The following ITGB6 variants were observed in gnomAD, a reference collection of about 807,000 sequenced individuals.
The protein encoded by ITGB6 is integrin subunit beta 6.
In ITGB6, 80 loss-of-function variants were observed where a neutral mutation model predicts 84.5. That is an observed-to-expected ratio of 0.95 (90% CI 0.79 to 1.14). ITGB6 has a LOEUF of 1.14. ITGB6 is among the 50% of genes most tolerant of loss of function. The pLI is 0.00. For missense variants in ITGB6, 1,006 were observed against 968.0 expected (o/e 1.04, Z -0.52); for synonymous variants, 383 against 354.9 (o/e 1.08, Z -0.89).
At position 160,189,478 on chromosome 2, in the gene ITGB6, A is replaced by C. The variant is rs1686047873; in HGVS notation, c.593+5891T>G. On this transcript the variant is annotated intron_variant, in intron 4 of 14. Transcript: ENST00000283249. ...ATCTGACAAAGGGCTAATATCCAGAATCTACAATGAACTCAAACAAATTTA... is the reference window on the plus strand; with the variant it reads ...ATCTGACAAAGGGCTAATATCCAGACTCTACAATGAACTCAAACAAATTTA... 2.0e-5 allele frequency among the ~76,000 whole-genome samples: 3 copies of C among 152,344 alleles called. No individual in the cohort carries two copies. The South Asian group carries it at 6.2e-4, about 32-fold the overall frequency.
At chr2:160,109,908 A>G (rs1171762899) in intron 13 of ITGB6, among the ~76,000 whole-genome samples, 1 of 152,206 alleles carries the variant, frequency 6.6e-6, no homozygotes, top group East Asian at 1.9e-4. Context: ...ACTTGGCATG[A>G]AAAAAATGTA....
At chr2:160,118,041 A>T (rs530303551) in intron 12 of ITGB6, among the ~76,000 whole-genome samples, 1 of 152,132 alleles carries the variant, frequency 6.6e-6, no homozygotes, top group African/African-American at 2.4e-5. Context: ...CAACCAAAAA[A>T]AGTCCAGGAC....
rs568043107 is a variant in ITGB6, at chr2:160,170,114, A to AATATGTTAATTATGACATAAGTAAC, written c.922-832_922-808dup. ...CTAGCCTGCTAACAATTAAATTAAGAATATGTTAATTATGACATAAGTAAC... is the reference window on the plus strand; with the variant it reads ...CTAGCCTGCTAACAATTAAATTAAGAATATGTTAATTATGACATAAGTAACATATGTTAATTATGACATAAGTAAC... On this transcript the variant is annotated intron_variant, in intron 6 of 14. Transcript: ENST00000283249. 3.4e-3 allele frequency among the ~76,000 whole-genome samples: 517 copies of AATATGTTAATTATGACATAAGTAAC among 152,318 alleles called. 3 individuals are homozygous for AATATGTTAATTATGACATAAGTAAC. The highest frequency in any genetic ancestry group is 0.017 in the Middle Eastern group (5 of 294).
At chr2:160,177,249 C>T (rs1685454324) in intron 4 of ITGB6, among the ~76,000 whole-genome samples, 1 of 152,110 alleles carries the variant, frequency 6.6e-6, no homozygotes, top group Admixed American at 6.5e-5. Context: ...TCCTTTGCTA[C>T]ATTTCTTATT....
chr2:160,116,903 A>G (rs1682798856), intron 12 of ITGB6, among the ~76,000 whole-genome samples: 1 of 151,570 alleles, frequency 6.6e-6, no homozygotes. Flanking sequence ...AACAAAGATC[A>G]AAAGAGACAA....
intron 7 of ITGB6, among the ~76,000 whole-genome samples, chr2:160,165,712 C>T (rs1684977289): frequency 1.3e-5 from 2 of 152,160 alleles, no homozygotes; most frequent in Non-Finnish European, 2.9e-5. Flanking sequence ...TAATGGCCAT[C>T]AGGTGGGTAC....
chr2:160,159,544 C>T (rs548027395), intron 7 of ITGB6, among the ~76,000 whole-genome samples: 1 of 152,262 alleles, frequency 6.6e-6, no homozygotes, highest in Non-Finnish European at 1.5e-5. Context: ...GCTTACTTCC[C>T]ACTGCCTTCA....
rs779418857 is a variant in ITGB6 at position 160,172,659 on chromosome 2, T to G, written c.831A>C (p.Gly277=). Residue 277 remains glycine, a synonymous_variant, in exon 6 of 15, where the codon GGA becomes GGC. Transcript: ENST00000283249. ...CGATGCCTGCTAGTTTGCTGTCCAT[T>G]CCAAAATGAGAATCAGCATCACTCA... ...VFVSDADSHF[G]MDSKLAGIVI... 2.4e-5 allele frequency: 39 copies of G among 1,611,510 alleles called. No individual in the cohort carries two copies. In the South Asian group the frequency reaches 4.2e-4, roughly 17 times the overall value.
At chr2:160,177,821 G>A (rs1574125267) in intron 4 of ITGB6, among the ~76,000 whole-genome samples, 1 of 152,122 alleles carries the variant, frequency 6.6e-6, no homozygotes, top group Non-Finnish European at 1.5e-5. Flanking sequence ...AGCACTTGAA[G>A]TAGCTGTGGG....
At chr2:160,185,969 C>T (rs1370324881) in intron 4 of ITGB6, among the ~76,000 whole-genome samples, 1 of 151,996 alleles carries the variant, frequency 6.6e-6, no homozygotes, top group African/African-American at 2.4e-5. Flanking sequence ...TAAAAATTAA[C>T]TCAAGATGGA....
intron 7 of ITGB6, among the ~76,000 whole-genome samples, chr2:160,145,350 T>C (rs1403341735): frequency 6.6e-6 from 1 of 152,200 alleles, no homozygotes; most frequent in Non-Finnish European, 1.5e-5. Flanking sequence ...CTCCCTACCA[T>C]ACCACCCAGG....
chr2:160,112,979 T>C (rs920410935), intron 12 of ITGB6, among the ~76,000 whole-genome samples: 9 of 152,216 alleles, frequency 5.9e-5, no homozygotes, highest in African/African-American at 2.2e-4. Flanking sequence ...TATGCCAAAA[T>C]TATGTGGCAT....
At chr2:160,119,360 C>A (rs984794620) in intron 12 of ITGB6, among the ~76,000 whole-genome samples, 11 of 151,950 alleles carry the variant, frequency 7.2e-5, no homozygotes, top group Admixed American at 2.0e-4. Flanking sequence ...GAAATAATGC[C>A]GCATATCTAC....
chr2:160,116,266 G>T (rs1314137210), intron 12 of ITGB6, among the ~76,000 whole-genome samples: 1 of 151,970 alleles, frequency 6.6e-6, no homozygotes, highest in African/African-American at 2.4e-5. Context: ...CAGAGAGAAA[G>T]GTTGGGTTAC....
At chr2:160,190,450 C>G (rs2105892511) in intron 4 of ITGB6, among the ~76,000 whole-genome samples, 1 of 152,272 alleles carries the variant, frequency 6.6e-6, no homozygotes, top group Non-Finnish European at 1.5e-5. Flanking sequence ...CCTAAGCTCA[C>G]ATTATGAGTG....
chr2:160,175,054 G>T (rs1356076190), intron 4 of ITGB6, among the ~76,000 whole-genome samples: 3 of 152,228 alleles, frequency 2.0e-5, no homozygotes, highest in African/African-American at 7.2e-5. Flanking sequence ...AGAATCACTG[G>T]TGTAGAAGCG....
Position 160,123,236 on chromosome 2 carries a change from A to AT in ITGB6, c.1981+554dup, listed in dbSNP as rs1415120144. On this transcript the variant is annotated intron_variant, in intron 12 of 14. Transcript: ENST00000283249. ...GTTAAAGAGAATAGGTCTTTCTTGT[A>AT]TTTTGGGGGTGAGGCAACAGGGAAT... Among the ~76,000 whole-genome samples, 35 of 152,282 alleles carry AT rather than the reference A, an allele frequency of 2.3e-4. 1 individual carries two copies. The East Asian group carries it at 5.6e-3, about 24-fold the overall frequency.
At chr2:160,169,909 T>G (rs560031943) in intron 6 of ITGB6, among the ~76,000 whole-genome samples, 1 of 152,360 alleles carries the variant, frequency 6.6e-6, no homozygotes, top group Non-Finnish European at 1.5e-5. Context: ...TACATTGTAC[T>G]TCTGTTCCAT....
intron 4 of ITGB6, among the ~76,000 whole-genome samples, chr2:160,175,449 T>G (rs906809459): frequency 2.0e-4 from 31 of 152,234 alleles, no homozygotes; most frequent in Non-Finnish European, 3.4e-4. Flanking sequence ...CATTCCCAAC[T>G]GGAATCAAAC....
Sources: allele counts gnomAD v4.1 joint callset (sites outside exome capture counted in the v4.1 genomes callset), GRCh38; gene constraint gnomAD v4.1.1; transcripts MANE v1.5; gene names NCBI Gene and HGNC (gene_info 2026-07-23, HGNC 2026-07-21).